CHODL: variants seen among roughly 807,000 people sequenced by gnomAD.
CHODL encodes the protein transmembrane protein MT75.
CHODL carries 29 observed loss-of-function variants against 34.5 expected under a neutral mutation model. The observed-to-expected ratio is 0.84, with a 90% CI of 0.63 to 1.15. The LOEUF (loss-of-function observed/expected upper bound fraction) is 1.15, where lower values mean the gene tolerates loss of function less well. CHODL is among the 50% of genes most tolerant of loss of function. The pLI is 0.00. For missense variants in CHODL, 332 were observed against 332.5 expected (o/e 1.00, Z 0.01); for synonymous variants, 125 against 116.1 (o/e 1.08, Z -0.49).
chr21:18,005,147 G>A (rs886625844), intron 1 of CHODL, among the ~76,000 whole-genome samples: 2 of 152,190 alleles, frequency 1.3e-5, no homozygotes, highest in East Asian at 1.9e-4. Context: ...GAGCCTGAAC[G>A]CTGTGGCCAG....
At chr21:18,068,345 C>T (rs1037549227) in intron 2 of CHODL, among the ~76,000 whole-genome samples, 8 of 152,088 alleles carry the variant, frequency 5.3e-5, no homozygotes, top group South Asian at 2.1e-4. Flanking sequence ...TACAGGCACC[C>T]GCCACTACGC....
At chr21:18,206,400 CT>C (rs1238491883) in intron 2 of CHODL, among the ~76,000 whole-genome samples, 1 of 152,060 alleles carries the variant, frequency 6.6e-6, no homozygotes, top group Non-Finnish European at 1.5e-5. Flanking sequence ...CCTTTCTTGT[CT>C]CTTTTTATAG....
chr21:18,102,670 G>A (rs1166799054), intron 2 of CHODL, among the ~76,000 whole-genome samples: 1 of 152,046 alleles, frequency 6.6e-6, no homozygotes, highest in Non-Finnish European at 1.5e-5. Context: ...CTTTATAATT[G>A]TCTAACCCTT....
intron 2 of CHODL, among the ~76,000 whole-genome samples, chr21:18,133,825 G>A (rs553310865): frequency 6.6e-6 from 1 of 152,278 alleles, no homozygotes; most frequent in Admixed American, 6.5e-5. Flanking sequence ...ACTGCCTATT[G>A]TGTGGCTAAT....
At chr21:17,978,193 G>C (rs986831557) in intron 1 of CHODL, among the ~76,000 whole-genome samples, 2 of 152,044 alleles carry the variant, frequency 1.3e-5, no homozygotes, top group African/African-American at 4.8e-5. Context: ...GGAGGCTGAG[G>C]CAGGTGCATT....
rs564280281 is a variant in CHODL, at chr21:18,158,627, C to A, written c.-44-97882C>A. On this transcript the variant is annotated intron_variant, in intron 2 of 6. Transcript: ENST00000400127. ...CCGAGGCGGGTGGATCACCTGAGGT[C>A]AGGAGTTCAAGACCAGACTGGCCAA... 5.3e-5 allele frequency among the ~76,000 whole-genome samples: 8 copies of A among 152,154 alleles called. No individual in the cohort carries two copies. In the South Asian group the frequency reaches 1.7e-3, roughly 32 times the overall value.
chr21:18,039,989 A>G (rs574471136), intron 2 of CHODL, among the ~76,000 whole-genome samples: 10 of 151,938 alleles, frequency 6.6e-5, no homozygotes, highest in Non-Finnish European at 1.2e-4. Context: ...CTAAGTTCAC[A>G]GGATAGTTTT....
intron 2 of CHODL, among the ~76,000 whole-genome samples, chr21:18,194,975 T>C (rs1359009898): frequency 6.6e-6 from 1 of 152,014 alleles, no homozygotes; most frequent in Non-Finnish European, 1.5e-5. Flanking sequence ...AAACCTAAAA[T>C]CTACTCATTT....
Position 17,955,315 on chromosome 21 carries a change from T to A in CHODL, c.-145+37915T>A, listed in dbSNP as rs532890337. On this transcript the variant is annotated intron_variant, in intron 1 of 6. Transcript: ENST00000400127. ...TAAGTGAATGATTAAATGGCTATTC[T>A]TAATCTCCTATTGTCCATTTCTGAA... 2.2e-5 allele frequency among the ~76,000 whole-genome samples: 3 copies of A among 137,754 alleles called. 1 individual carries two copies. The East Asian group carries it at 6.5e-4, about 30-fold the overall frequency. The allele number at this position is 137,754 out of a possible 152,430, so 90.4% of individuals were successfully genotyped here.
chr21:18,254,361 C>G (rs2074291502), intron 1 of CHODL, among the ~76,000 whole-genome samples: 1 of 151,656 alleles, frequency 6.6e-6, no homozygotes, highest in African/African-American at 2.4e-5. Flanking sequence ...AAGTAATTGA[C>G]AGTCTATTTT....
intron 2 of CHODL, among the ~76,000 whole-genome samples, chr21:18,091,137 A>T (rs2065068410): frequency 6.6e-6 from 1 of 152,208 alleles, no homozygotes; most frequent in African/African-American, 2.4e-5. Flanking sequence ...CAGTCCCCAC[A>T]TACAGAGGGA....
At chr21:18,167,209 C>CTGTGTGTGTGTGTG (rs769948179) in intron 2 of CHODL, among the ~76,000 whole-genome samples, 1 of 129,070 alleles carries the variant, frequency 7.7e-6, no homozygotes, top group Non-Finnish European at 1.7e-5. Flanking sequence ...ATTTCTCTCT[C>CTGTGTGTGTGTGTG]TCTGTGTGTG....
chr21:17,979,195 A>G (rs184579255), intron 1 of CHODL, among the ~76,000 whole-genome samples: 1 of 152,312 alleles, frequency 6.6e-6, no homozygotes, highest in Non-Finnish European at 1.5e-5. Flanking sequence ...AGCCATGGAC[A>G]TCTTTGGGGG....
At chr21:18,036,829 C>T (rs2064317055) in intron 2 of CHODL, among the ~76,000 whole-genome samples, 1 of 151,958 alleles carries the variant, frequency 6.6e-6, no homozygotes, top group African/African-American at 2.4e-5. Flanking sequence ...CTAATATTAG[C>T]CAGGAAACTG....
intron 1 of CHODL, among the ~76,000 whole-genome samples, chr21:18,251,069 C>T (rs1428273675): frequency 6.6e-6 from 1 of 151,200 alleles, no homozygotes; most frequent in African/African-American, 2.4e-5. Flanking sequence ...AAAAAGAAAA[C>T]CAAATTATAG....
chr21:18,170,846 GTTAAC>G (rs1178231047), intron 2 of CHODL, among the ~76,000 whole-genome samples: 3 of 152,084 alleles, frequency 2.0e-5, no homozygotes, highest in African/African-American at 7.2e-5. Flanking sequence ...AACTGAGACA[GTTAAC>G]TTTACTAGTA....
At chr21:18,096,437 A>C (rs1235674322) in intron 2 of CHODL, among the ~76,000 whole-genome samples, 1 of 152,200 alleles carries the variant, frequency 6.6e-6, no homozygotes, top group Non-Finnish European at 1.5e-5. Context: ...AATAGGAGAA[A>C]TATTGCTGAA....
At chr21:18,106,497 TTTTC>T (rs2065274075) in intron 2 of CHODL, among the ~76,000 whole-genome samples, 2 of 119,206 alleles carry the variant, frequency 1.7e-5, no homozygotes, top group African/African-American at 6.1e-5. Flanking sequence ...TTCTTTTTCT[TTTTC>T]TTTTTTTTTT....
chr21:17,932,237 A>G (rs2063279643), intron 1 of CHODL, among the ~76,000 whole-genome samples: 1 of 152,204 alleles, frequency 6.6e-6, no homozygotes, highest in African/African-American at 2.4e-5. Context: ...GAAAAGTGCA[A>G]ACTAAAACCA....
Sources: gnomAD v4.1 joint callset for allele counts (sites outside exome capture counted in the v4.1 genomes callset) on GRCh38, gnomAD v4.1.1 for gene constraint, MANE v1.5 for transcripts, NCBI Gene and HGNC (gene_info 2026-07-23, HGNC 2026-07-21) for gene names.